The following PYHIN1 variants were observed in gnomAD, a reference collection of about 807,000 sequenced individuals.
PYHIN1 encodes the protein pyrin and HIN domain family member 1.
Under a neutral mutation model 43.7 loss-of-function variants are expected in PYHIN1, and 32 were observed. The observed-to-expected ratio is 0.73, with a 90% CI of 0.55 to 0.98. The LOEUF (loss-of-function observed/expected upper bound fraction) is 0.98, where lower values mean the gene tolerates loss of function less well. Ranked by LOEUF, PYHIN1 falls within the 50% of genes least tolerant of loss-of-function variation. PYHIN1 has a pLI of 0.00. For synonymous variants in PYHIN1, 205 were observed against 203.1 expected (o/e 1.01, Z -0.08); for missense variants, 588 against 589.5 (o/e 1.00, Z 0.03).
At chr1:158,987,554 C>A in the PYHIN1 span, among the ~76,000 whole-genome samples, 1 of 151,904 alleles carries the variant, frequency 6.6e-6, no homozygotes, top group South Asian at 2.1e-4. Flanking sequence ...TAATAAAGTC[C>A]AATTTATATT....
At chr1:158,978,506 T>G (rs1305555113), downstream of PYHIN1, among the ~76,000 whole-genome samples, 1 of 152,158 alleles carries the variant, frequency 6.6e-6, no homozygotes, top group African/African-American at 2.4e-5. Flanking sequence ...ATTTGACTTA[T>G]GGACACTGAG....
chr1:158,952,824 G>A (rs1402764252), intron 7 of PYHIN1, among the ~76,000 whole-genome samples: 1 of 152,202 alleles, frequency 6.6e-6, no homozygotes, highest in East Asian at 1.9e-4. Context: ...GGTGATTTCT[G>A]CATTTCCATC....
At position 158,973,638 on chromosome 1, in the gene PYHIN1, T is replaced by C; in HGVS notation, c.1360-9T>C. 6.2e-7 allele frequency: 1 copy of C among 1,612,252 alleles called. No individual in the cohort carries two copies. Among genetic ancestry groups the C allele is most frequent in the Non-Finnish European group, 8.5e-7 (1 of 1,179,110 alleles). ...TGAAAGACTAAATTACCCAAATTTATGACTCCAGAAGGATGAAACCCACCC... is the reference window on the plus strand; with the variant it reads ...TGAAAGACTAAATTACCCAAATTTACGACTCCAGAAGGATGAAACCCACCC... On this transcript the variant is annotated splice_polypyrimidine_tract_variant and intron_variant, in intron 7 of 8. Coordinates refer to ENST00000368140, the MANE Select transcript of PYHIN1 (RefSeq NM_152501.5).
intron 7 of PYHIN1, among the ~76,000 whole-genome samples, chr1:158,947,386 C>T (rs1260350973): frequency 1.3e-5 from 2 of 152,170 alleles, no homozygotes; most frequent in Non-Finnish European, 2.9e-5. Context: ...CATCCTTTCA[C>T]TTTGTTTATG....
chr1:158,984,784 G>A, the PYHIN1 span, among the ~76,000 whole-genome samples: 1 of 152,138 alleles, frequency 6.6e-6, no homozygotes, highest in African/African-American at 2.4e-5. Flanking sequence ...AGGTTAGCTA[G>A]TTCTCTTCAT....
intron 7 of PYHIN1, among the ~76,000 whole-genome samples, chr1:158,961,828 T>C (rs1475942477): frequency 6.6e-6 from 1 of 152,122 alleles, no homozygotes; most frequent in East Asian, 1.9e-4. Context: ...TATCCTGGAA[T>C]TAGCGGCTGC....
the PYHIN1 span, among the ~76,000 whole-genome samples, chr1:158,983,544 ATT>A: frequency 2.0e-5 from 3 of 150,994 alleles, no homozygotes; most frequent in Non-Finnish European, 4.4e-5. Context: ...GTTTGCTAGT[ATT>A]TTTTTTTGAG....
chr1:158,987,703 A>AT, the PYHIN1 span, among the ~76,000 whole-genome samples: 1 of 152,148 alleles, frequency 6.6e-6, no homozygotes, highest in African/African-American at 2.4e-5. Context: ...TTTTGAACTA[A>AT]TTTTTTCATA....
intron 1 of PYHIN1, among the ~76,000 whole-genome samples, chr1:158,936,397 C>CA (rs1248258977): frequency 1.3e-5 from 2 of 150,736 alleles, no homozygotes; most frequent in East Asian, 2.0e-4. Context: ...AGAGACACAA[C>CA]AAAAAAAAGA....
At chr1:158,970,205 A>G (rs1650857906) in intron 7 of PYHIN1, among the ~76,000 whole-genome samples, 1 of 152,064 alleles carries the variant, frequency 6.6e-6, no homozygotes, top group African/African-American at 2.4e-5. Flanking sequence ...GCAATGATTT[A>G]AATTAATATT....
Position 158,937,030 on chromosome 1 carries a change from A to G in PYHIN1, c.120A>G (p.Lys40=), listed in dbSNP as rs766086099. ...SNDLKLNPKM[K]EEYDKIQIAD... ...ATTTAAAACTTAATCCAAAAATGAA[A>G]GAAGAGTATGACAAAATTCAGATTG... is the stretch of plus-strand genomic sequence containing the variant. The change falls in exon 2 of 9, where the codon AAA becomes AAG. Residue 40 remains lysine, a synonymous_variant. Coordinates refer to ENST00000368140, the MANE Select transcript of PYHIN1 (RefSeq NM_152501.5). 3 of 1,614,080 alleles carry G rather than the reference A, an allele frequency of 1.9e-6. No individual in the cohort carries two copies. The highest frequency in any genetic ancestry group is 2.5e-6 in the Non-Finnish European group (3 of 1,180,026).
rs919532730 is a variant in PYHIN1 at position 158,937,954 on chromosome 1, A to G, written c.266-443A>G. 3.3e-5 allele frequency among the ~76,000 whole-genome samples: 5 copies of G among 152,154 alleles called. No individual in the cohort carries two copies. The East Asian group carries it at 9.7e-4, about 29-fold the overall frequency. ...AGCGAGACTCCGTCTCAAAAAAAAAAAAAAAGAAAAAAAGTCAAAACTCAC... is the reference window on the plus strand; with the variant it reads ...AGCGAGACTCCGTCTCAAAAAAAAAGAAAAAGAAAAAAAGTCAAAACTCAC... On this transcript the variant is annotated intron_variant, in intron 2 of 8. Coordinates refer to ENST00000368140, the MANE Select transcript of PYHIN1 (RefSeq NM_152501.5).
intron 8 of PYHIN1, among the ~76,000 whole-genome samples, chr1:158,973,989 G>T (rs1163425552): frequency 2.0e-4 from 31 of 151,958 alleles, no homozygotes; most frequent in Admixed American, 1.8e-3. Flanking sequence ...TCTGTCTTCA[G>T]GAAGATTACT....
downstream of PYHIN1, among the ~76,000 whole-genome samples, chr1:158,981,384 T>C (rs1045136595): frequency 2.6e-5 from 4 of 152,068 alleles, no homozygotes; most frequent in Non-Finnish European, 4.4e-5. Flanking sequence ...GGCAGGAGAA[T>C]CGCTTGAACC....
intron 7 of PYHIN1, among the ~76,000 whole-genome samples, chr1:158,955,207 A>G (rs1325178776): frequency 6.6e-6 from 1 of 152,186 alleles, no homozygotes; most frequent in Admixed American, 6.5e-5. Context: ...ACAGAAAGTC[A>G]ACAAGGATAC....
chr1:158,974,736 G>A (rs530949725), intron 8 of PYHIN1, among the ~76,000 whole-genome samples: 13 of 151,812 alleles, frequency 8.6e-5, no homozygotes, highest in Admixed American at 1.3e-4. Context: ...TGATAAGCCC[G>A]AGAATCACAT....
In PYHIN1 at chr1:158,939,090, A is replaced by T; in HGVS notation, c.422A>T (p.Lys141Ile). The change falls in exon 4 of 9, where the codon AAA (lysine) becomes ATA (isoleucine). Residue 141 changes from lysine to isoleucine, a missense_variant. Transcript: ENST00000368140. ...ATAAACTACTTGTAGAAAAGAAAAA[A>T]ACCATCTGAAGAAGAGACTGGAACC... is the stretch of plus-strand genomic sequence containing the variant. ...EETLGPQKRKKPSEEETGTKR... is the reference protein window; with the variant it reads ...EETLGPQKRKIPSEEETGTKR... The T allele has an allele frequency of 6.3e-7, 1 of 1,581,436 alleles. No individual in the cohort carries two copies.
At chr1:158,941,289 T>A (rs1454829102) in intron 4 of PYHIN1, among the ~76,000 whole-genome samples, 4 of 152,178 alleles carry the variant, frequency 2.6e-5, no homozygotes, top group Admixed American at 2.6e-4. Flanking sequence ...GAAAGGATAT[T>A]AAAGACAATC....
At chr1:158,978,274 CATATATATATAT>C (rs57749637), downstream of PYHIN1, among the ~76,000 whole-genome samples, 23 of 150,906 alleles carry the variant, frequency 1.5e-4, no homozygotes, top group Middle Eastern at 3.4e-3. Flanking sequence ...TGTGTCTATA[CATATATATATAT>C]ATATATATAT....
Sources: gnomAD v4.1 joint callset for allele counts (sites outside exome capture counted in the v4.1 genomes callset) on GRCh38, gnomAD v4.1.1 for gene constraint, MANE v1.5 for transcripts, NCBI Gene and HGNC (gene_info 2026-07-23, HGNC 2026-07-21) for gene names.